The following ABCD2 variants were observed in gnomAD, a reference collection of about 807,000 sequenced individuals.
ABCD2 encodes ATP-binding cassette sub-family D member 2.
Under a neutral mutation model 70.9 loss-of-function variants are expected in ABCD2, and 36 were observed. The observed-to-expected ratio is 0.51, with a 90% CI of 0.39 to 0.67. The LOEUF is 0.67. Ranked by LOEUF, ABCD2 falls within the 30% of genes least tolerant of loss-of-function variation. ABCD2 has a pLI of 0.00. For synonymous variants in ABCD2, 304 were observed against 306.9 expected (o/e 0.99, Z 0.10); for missense variants, 729 against 890.2 (o/e 0.82, Z 2.30).
chr12:39,553,072 T>G lies in ABCD2; in HGVS notation c.*840A>C, dbSNP rs1301290500. 6.6e-6 allele frequency: 1 copy of G among 152,016 alleles called. No individual in the cohort carries two copies. The highest frequency in any genetic ancestry group is 1.5e-5 in the Non-Finnish European group (1 of 67,886). 9.4% of individuals were successfully genotyped at this position (152,016 alleles called of 1,614,324 possible). A position where few individuals can be genotyped will look rare whatever the true frequency, so the allele number is the denominator to read the frequency against. ...ATGATTCTCAGAATCCTTAAGTTCC[T>G]TTATACCATTGCAGTTCTTAAAATG... On this transcript the variant is annotated 3_prime_UTR_variant, in exon 10 of 10. Coordinates refer to ENST00000308666, the MANE Select transcript of ABCD2 (RefSeq NM_005164.4).
rs540211623 is a variant in ABCD2, at chr12:39,594,897, C to T, written c.1646+5674G>A. On this transcript the variant is annotated intron_variant, in intron 6 of 9. Coordinates refer to ENST00000308666, the MANE Select transcript of ABCD2 (RefSeq NM_005164.4). ...GCTGAGGTGCGATAATCACTTGAGG[C>T]CAGGAGTTCAAGATTAGCCCTGGCA... 1.9e-3 allele frequency among the ~76,000 whole-genome samples: 282 copies of T among 152,038 alleles called. 2 individuals carry two copies. Among genetic ancestry groups the T allele is most frequent in the Non-Finnish European group, 1.6e-3 (111 of 67,964 alleles).
At chr12:39,608,849 A>C (rs1340221265) in intron 2 of ABCD2, among the ~76,000 whole-genome samples, 1 of 152,138 alleles carries the variant, frequency 6.6e-6, no homozygotes, top group East Asian at 1.9e-4. Context: ...TGATTCTCAT[A>C]ATCTAGCCTC....
At chr12:39,605,386 A>G (rs1941956013) in intron 3 of ABCD2, among the ~76,000 whole-genome samples, 1 of 152,094 alleles carries the variant, frequency 6.6e-6, no homozygotes, top group South Asian at 2.1e-4. Flanking sequence ...AGCCAAATTG[A>G]TTGTCAAAAT....
intron 9 of ABCD2, among the ~76,000 whole-genome samples, chr12:39,563,043 A>G (rs58305681): frequency 6.6e-6 from 1 of 152,234 alleles, no homozygotes; most frequent in Non-Finnish European, 1.5e-5. Flanking sequence ...CATAACATTA[A>G]CAAAATGAAG....
At chr12:39,598,551 C>A (rs1013148425) in intron 6 of ABCD2, among the ~76,000 whole-genome samples, 1 of 152,074 alleles carries the variant, frequency 6.6e-6, no homozygotes, top group Non-Finnish European at 1.5e-5. Flanking sequence ...CAGGCACGCA[C>A]CACCACACCC....
the ABCD2 span, among the ~76,000 whole-genome samples, chr12:39,543,978 A>G: frequency 1.3e-5 from 2 of 152,176 alleles, no homozygotes; most frequent in Admixed American, 1.3e-4. Flanking sequence ...CACCTTGCCC[A>G]CTGCCTAGAC....
chr12:39,543,866 G>C, the ABCD2 span, among the ~76,000 whole-genome samples: 2 of 152,128 alleles, frequency 1.3e-5, no homozygotes, highest in Non-Finnish European at 2.9e-5. Context: ...CACTAGTTCA[G>C]TATCCTCTAT....
At chr12:39,607,745 G>GTTTT (rs58771682) in intron 2 of ABCD2, 31 bp from the exon 3 acceptor site, 3,629 of 771,000 alleles carry the variant, frequency 4.7e-3, no homozygotes, top group South Asian at 8.8e-3. Flanking sequence ...CAAAACTTGA[G>GTTTT]TTTTTTTTTT....
intron 9 of ABCD2, among the ~76,000 whole-genome samples, chr12:39,564,558 A>C (rs1362488407): frequency 6.6e-6 from 1 of 151,884 alleles, no homozygotes; most frequent in Non-Finnish European, 1.5e-5. Flanking sequence ...GATTGCAAAA[A>C]TTTTCTCCCA....
intron 6 of ABCD2, among the ~76,000 whole-genome samples, chr12:39,598,093 G>T (rs1165129694): frequency 6.6e-6 from 1 of 152,100 alleles, no homozygotes; most frequent in Non-Finnish European, 1.5e-5. Flanking sequence ...TTTTTCCTTA[G>T]TGGTTCACTT....
In ABCD2 at chr12:39,565,840, G is replaced by C. The variant is rs138266471; in HGVS notation, c.2003+7876C>G. On this transcript the variant is annotated intron_variant, in intron 9 of 9. Coordinates refer to ENST00000308666, the MANE Select transcript of ABCD2 (RefSeq NM_005164.4). ...TTTATTGAGAGTTTTTAGCATGAAG[G>C]GTTGTTGAATTTTGTTAGAGGCCTT... Among the ~76,000 whole-genome samples the C allele has an allele frequency of 2.1e-3, 322 of 152,208 alleles. 3 individuals are homozygous for C. Among genetic ancestry groups the C allele is most frequent in the African/African-American group, 6.8e-3 (282 of 41,538 alleles).
At chr12:39,536,985 C>T in the ABCD2 span, among the ~76,000 whole-genome samples, 43 of 152,292 alleles carry the variant, frequency 2.8e-4, no homozygotes, top group Non-Finnish European at 5.4e-4. Context: ...CCCTCCATTA[C>T]CAAATGTGCC....
At chr12:39,612,582 G>T (rs1336457214) in intron 2 of ABCD2, among the ~76,000 whole-genome samples, 2 of 152,178 alleles carry the variant, frequency 1.3e-5, no homozygotes, top group Non-Finnish European at 2.9e-5. Context: ...GTACACTAAT[G>T]ATTATGCCCA....
chr12:39,555,828 A>C (rs1013953634), intron 9 of ABCD2, among the ~76,000 whole-genome samples: 2 of 152,160 alleles, frequency 1.3e-5, no homozygotes, highest in African/African-American at 4.8e-5. Context: ...TATAGAAGCC[A>C]TGGGCTCCAA....
intron 8 of ABCD2, among the ~76,000 whole-genome samples, chr12:39,575,586 G>T (rs1430208247): frequency 6.6e-6 from 1 of 152,132 alleles, no homozygotes; most frequent in Non-Finnish European, 1.5e-5. Context: ...CTCAAAAAGA[G>T]AATACTATTG....
rs762641649 is a variant in ABCD2 at position 39,619,466 on chromosome 12, C to T, written c.150G>A (p.Gly50=). 1.2e-6 allele frequency: 2 copies of T among 1,613,838 alleles called. No homozygotes were observed. The highest frequency in any genetic ancestry group is 2.2e-5 in the South Asian group (2 of 91,068). The change falls in exon 1 of 10, where the codon GGG becomes GGA. Residue 50 remains glycine, a synonymous_variant. Coordinates refer to ENST00000308666, the MANE Select transcript of ABCD2 (RefSeq NM_005164.4). ...IGKRLKQSGH[G]KKKAAAYPAA... is the part of the protein sequence containing the mutation. ...CAGGGTAAGCTGCTGCTTTTTTCTT[C>T]CCGTGGCCAGATTGCTTTAAACGCT...
intron 6 of ABCD2, among the ~76,000 whole-genome samples, chr12:39,599,892 A>G (rs1941873141): frequency 6.6e-6 from 1 of 152,220 alleles, no homozygotes; most frequent in African/African-American, 2.4e-5. Context: ...TGGAAAAATT[A>G]CTGGGTCCAA....
rs573112525 is a variant in ABCD2 at position 39,571,626 on chromosome 12, C to T, written c.2003+2090G>A. On this transcript the variant is annotated intron_variant, in intron 9 of 9. Coordinates refer to ENST00000308666, the MANE Select transcript of ABCD2 (RefSeq NM_005164.4). ...AACCAACTGTGTAGGCGTTTCATAC[C>T]CTGAGATTCAAACGCATGTTCTATA... 6.6e-5 allele frequency among the ~76,000 whole-genome samples: 10 copies of T among 152,180 alleles called. No individual in the cohort carries two copies. In the South Asian group the frequency reaches 2.1e-3, roughly 32 times the overall value.
At chr12:39,608,495 T>A (rs1942001673) in intron 2 of ABCD2, among the ~76,000 whole-genome samples, 1 of 152,020 alleles carries the variant, frequency 6.6e-6, no homozygotes, top group Non-Finnish European at 1.5e-5. Flanking sequence ...GAGACCAGCC[T>A]GGCCAACATG....
Sources: gnomAD v4.1 joint callset for allele counts (sites outside exome capture counted in the v4.1 genomes callset) on GRCh38, gnomAD v4.1.1 for gene constraint, MANE v1.5 for transcripts, NCBI Gene and HGNC (gene_info 2026-07-23, HGNC 2026-07-21) for gene names.